CRY1: variants seen among roughly 807,000 people sequenced by gnomAD.
The protein encoded by CRY1 is cryptochrome circadian regulator 1, also known as cryptochrome-1.
A neutral mutation model predicts 76.0 loss-of-function variants in CRY1; 45 were observed. The ratio of observed to expected loss-of-function variants is 0.59; its 90% CI spans 0.47 to 0.76. CRY1 has a LOEUF of 0.76. Among genes scored for constraint, CRY1 ranks in the 30% least tolerant of loss-of-function variants. The pLI is 0.00. For synonymous variants in CRY1, 248 were observed against 244.0 expected, an observed-to-expected ratio of 1.02 and a Z score of -0.15; for missense variants, 587 against 716.4, an observed-to-expected ratio of 0.82 and a Z score of 2.06.
At chr12:107,026,100 C>CATATTAT (rs1952605958) in intron 1 of CRY1, among the ~76,000 whole-genome samples, 1 of 32,502 alleles carries the variant, frequency 3.1e-5, no homozygotes, top group Non-Finnish European at 5.8e-5. Flanking sequence ...ATATATATAA[C>CATATTAT]ATATATATAA....
intron 3 of CRY1, among the ~76,000 whole-genome samples, chr12:107,002,820 A>G (rs1952326673): frequency 6.6e-6 from 1 of 152,134 alleles, no homozygotes; most frequent in Non-Finnish European, 1.5e-5. Flanking sequence ...AGTAAGTCTC[A>G]CAAGATCTGA....
chr12:107,020,402 A>ACCC (rs1352623207), intron 2 of CRY1, among the ~76,000 whole-genome samples: 2 of 152,192 alleles, frequency 1.3e-5, no homozygotes, highest in East Asian at 3.8e-4. Context: ...CTATGTCCTC[A>ACCC]CCCAAATCTC....
chr12:107,022,220 T>A, intron 1 of CRY1, 28 bp from the exon 2 acceptor site: 2 of 1,276,022 alleles, frequency 1.6e-6, no homozygotes, highest in Non-Finnish European at 2.2e-6. Flanking sequence ...TTATTTAAAT[T>A]ATTAAAAAAT....
intron 1 of CRY1, among the ~76,000 whole-genome samples, chr12:107,090,901 C>T (rs115653549): frequency 0.011 from 1,674 of 152,258 alleles, 34 homozygotes; most frequent in African/African-American, 0.038. Context: ...AATGGCTTCT[C>T]CAGCTGGCTT....
chr12:106,999,645 C>T lies in CRY1; in HGVS notation c.1043G>A (p.Arg348His), dbSNP rs147813518. Reference protein sequence around the residue: ...PWIDAIMTQLRQEGWIHHLAR... With the variant: ...PWIDAIMTQLHQEGWIHHLAR... ...TAGATGATGAATCCAACCCTCCTGA[C>T]GAAGCTGTGTCATGATGGCATCAAT... The change falls in exon 7 of 13, where the codon CGT (arginine) becomes CAT (histidine). Residue 348 changes from arginine (R) to histidine (H), a missense_variant. Coordinates refer to ENST00000008527, the MANE Select transcript of CRY1 (RefSeq NM_004075.5). 60 of 1,614,144 alleles carry T rather than the reference C, an allele frequency of 3.7e-5. 1 individual carries two copies. Among genetic ancestry groups the T allele is most frequent in the South Asian group, 1.6e-4 (15 of 91,092 alleles).
At chr12:107,043,158 C>T (rs1952818351) in intron 1 of CRY1, 1 of 152,266 alleles carries the variant, frequency 6.6e-6, no homozygotes, top group South Asian at 2.1e-4. Context: ...GGTCCAACAT[C>T]CCCAAGCCAA....
In CRY1 at chr12:107,093,033, G is replaced by C; in HGVS notation, c.-72C>G. 1 of 1,428,088 alleles carries C rather than the reference G, an allele frequency of 7.0e-7. No individual in the cohort carries two copies. The highest frequency in any genetic ancestry group is 1.5e-5 in the South Asian group (1 of 67,598). 88.5% of individuals were successfully genotyped at this position (1,428,088 alleles called of 1,614,324 possible). The stretch of plus-strand genomic sequence containing the variant: ...GCTCCGGCTCATAGCCGACACCTTC[G>C]CTTCCAAGAGAATTGCCTCACCCGG... On this transcript the variant is annotated 5_prime_UTR_variant, in exon 1 of 13. Coordinates refer to ENST00000008527, the MANE Select transcript of CRY1 (RefSeq NM_004075.5).
intron 1 of CRY1, among the ~76,000 whole-genome samples, chr12:107,067,917 C>T (rs952451674): frequency 6.6e-6 from 1 of 152,172 alleles, no homozygotes; most frequent in African/African-American, 2.4e-5. Context: ...CAGTAGAGAA[C>T]AAGATCCAAT....
intron 1 of CRY1, among the ~76,000 whole-genome samples, chr12:107,037,956 G>GC (rs1213951725): frequency 1.3e-5 from 2 of 152,250 alleles, no homozygotes; most frequent in East Asian, 3.9e-4. Flanking sequence ...CAATCCTTCT[G>GC]CTTTGGCCTC....
chr12:107,001,873 T>C lies in CRY1; in HGVS notation c.486A>G (p.Pro162=). ...TAATTGTCTCTACTGGTATCTCTAGTGGTTCCATTTTGCTGATGAGAGTCT... is the reference window on the plus strand; with the variant it reads ...TAATTGTCTCTACTGGTATCTCTAGCGGTTCCATTTTGCTGATGAGAGTCT... The part of the protein sequence containing the change: ...RFQTLISKME[P]LEIPVETITS... Residue 162 remains proline, a synonymous_variant, in exon 4 of 13, where the codon CCA becomes CCG. Coordinates refer to ENST00000008527, the MANE Select transcript of CRY1 (RefSeq NM_004075.5). The C allele has an allele frequency of 6.2e-7, 1 of 1,602,524 alleles. No individual in the cohort carries two copies. Among genetic ancestry groups the C allele is most frequent in the Non-Finnish European group, 8.5e-7 (1 of 1,177,334 alleles).
chr12:107,003,837 T>TGC (rs567996123), intron 3 of CRY1, among the ~76,000 whole-genome samples: 2 of 151,416 alleles, frequency 1.3e-5, no homozygotes, highest in African/African-American at 4.9e-5. Flanking sequence ...GACAGAGTCT[T>TGC]GCTCTATTGC....
intron 2 of CRY1, 144 bp from the exon 3 acceptor site, chr12:107,005,392 T>C (rs1952362000): frequency 1.2e-6 from 1 of 824,972 alleles, no homozygotes; most frequent in Non-Finnish European, 1.8e-6. Context: ...AAGTAAACAA[T>C]TTATCAATTA....
At chr12:107,036,447 T>C (rs896524405) in intron 1 of CRY1, among the ~76,000 whole-genome samples, 4 of 152,176 alleles carry the variant, frequency 2.6e-5, no homozygotes, top group African/African-American at 9.7e-5. Flanking sequence ...TCCACTGGCC[T>C]TCTATCTGAT....
chr12:107,030,030 A>C (rs1325645723), intron 1 of CRY1, among the ~76,000 whole-genome samples: 1 of 152,144 alleles, frequency 6.6e-6, no homozygotes, highest in African/African-American at 2.4e-5. Context: ...AGGAAGGAGA[A>C]TTATTGGCCA....
At chr12:107,031,138 T>C (rs1239686847) in intron 1 of CRY1, among the ~76,000 whole-genome samples, 1 of 151,832 alleles carries the variant, frequency 6.6e-6, no homozygotes, top group Non-Finnish European at 1.5e-5. Context: ...AACAGAAAAG[T>C]TCTTAAAATA....
intron 1 of CRY1, among the ~76,000 whole-genome samples, chr12:107,081,534 C>T (rs1953325012): frequency 6.6e-6 from 1 of 151,980 alleles, no homozygotes; most frequent in African/African-American, 2.4e-5. Flanking sequence ...TCCGTTTTCC[C>T]CCCACTGGAA....
chr12:106,992,908 G>C lies in CRY1; in HGVS notation c.1658-18C>G. 6.2e-7 allele frequency: 1 copy of C among 1,613,804 alleles called. No individual in the cohort carries two copies. On this transcript the variant is annotated intron_variant, in intron 11 of 12. Coordinates refer to ENST00000008527, the MANE Select transcript of CRY1 (RefSeq NM_004075.5). Reference sequence around the variant, plus strand: ...GCTTCTTCCTGCACATTTAAAAAATGTATGTTTAAGATAGGAAAAGGAAAA... The same window carrying C: ...GCTTCTTCCTGCACATTTAAAAAATCTATGTTTAAGATAGGAAAAGGAAAA...
chr12:107,011,720 A>G (rs1952445349), intron 2 of CRY1, among the ~76,000 whole-genome samples: 2 of 152,244 alleles, frequency 1.3e-5, no homozygotes, highest in Non-Finnish European at 1.5e-5. Flanking sequence ...AGCTGTCTCC[A>G]TAACCTAAAA....
intron 1 of CRY1, among the ~76,000 whole-genome samples, chr12:107,085,318 T>C (rs1052520818): frequency 3.9e-5 from 6 of 152,232 alleles, no homozygotes; most frequent in Non-Finnish European, 7.3e-5. Context: ...ACTGGGTATA[T>C]ACCCAAAGGA....
Sources: allele counts gnomAD v4.1 joint callset (sites outside exome capture counted in the v4.1 genomes callset), GRCh38; gene constraint gnomAD v4.1.1; transcripts MANE v1.5; gene names NCBI Gene and HGNC (gene_info 2026-07-23, HGNC 2026-07-21).